Variants in WIPI2 observed in about 807,000 individuals in gnomAD.
WIPI2 encodes WD repeat domain phosphoinositide-interacting protein 2.
In WIPI2, 28 loss-of-function variants were observed where a neutral mutation model predicts 52.3. The ratio of observed to expected loss-of-function variants is 0.54; its 90% CI spans 0.40 to 0.73. WIPI2 has a LOEUF of 0.73. Among genes scored for constraint, WIPI2 ranks in the 30% least tolerant of loss-of-function variants. The pLI, the probability that WIPI2 is intolerant of heterozygous loss-of-function variation, is 0.00. For synonymous variants in WIPI2, 268 were observed against 245.0 expected (o/e 1.09, Z -0.88); for missense variants, 506 against 602.9 (o/e 0.84, Z 1.68).
intron 9 of WIPI2, chr7:5,226,134 A>G (rs2115314084): frequency 1.7e-6 from 1 of 581,280 alleles, no homozygotes; most frequent in African/African-American, 1.9e-5. Context: ...CTTCTCCCAC[A>G]GGCAGCACGC....
chr7:5,204,646 C>T (rs555774107), intron 3 of WIPI2, among the ~76,000 whole-genome samples: 2 of 151,946 alleles, frequency 1.3e-5, no homozygotes, highest in East Asian at 1.9e-4. Context: ...AATGTCACTG[C>T]GAAGTGCATC....
At chr7:5,200,008 A>C (rs1013324391) in intron 3 of WIPI2, among the ~76,000 whole-genome samples, 6 of 152,166 alleles carry the variant, frequency 3.9e-5, no homozygotes, top group African/African-American at 1.4e-4. Context: ...AAAATTGAAA[A>C]TTTTACAGCC....
intron 7 of WIPI2, among the ~76,000 whole-genome samples, chr7:5,220,138 T>C (rs1469483591): frequency 6.6e-6 from 1 of 151,994 alleles, no homozygotes; most frequent in Non-Finnish European, 1.5e-5. Context: ...GCCTGGCCTA[T>C]ATTCTGATTT....
chr7:5,195,991 T>C (rs1031266463), intron 2 of WIPI2, among the ~76,000 whole-genome samples: 1 of 151,148 alleles, frequency 6.6e-6, no homozygotes, highest in African/African-American at 2.4e-5. Context: ...TGAGTTGAGA[T>C]CACATCACTG....
intron 1 of WIPI2, 137 bp from the exon 2 acceptor site, chr7:5,192,981 A>G (rs994422476): frequency 1.9e-5 from 15 of 771,598 alleles, no homozygotes; most frequent in South Asian, 1.5e-4. Flanking sequence ...ATACCAAACT[A>G]TAACTGTCCT....
chr7:5,198,606 AC>A (rs1386665940), intron 2 of WIPI2, among the ~76,000 whole-genome samples: 1 of 152,080 alleles, frequency 6.6e-6, no homozygotes, highest in Non-Finnish European at 1.5e-5. Context: ...GAGCCACCAC[AC>A]CTGGCCAGCT....
rs920068077 is a variant in WIPI2 at position 5,227,439 on chromosome 7, A to G, written c.1013+95A>G. On this transcript the variant is annotated intron_variant, in intron 10 of 12. Coordinates refer to ENST00000288828, the MANE Select transcript of WIPI2 (RefSeq NM_015610.4). This position sits in a 1 kb window ranked among gnomAD's most constrained non-coding sequence, Gnocchi z 8.1. The stretch of plus-strand genomic sequence containing the variant: ...TGTGGCCCCTTCCGTGCTTCTGAAC[A>G]GGAGCAGCTTCTTAGAGCCGACACT... 3 of 1,493,958 alleles carry G rather than the reference A, an allele frequency of 2.0e-6. No individual in the cohort carries two copies. Among genetic ancestry groups the G allele is most frequent in the Non-Finnish European group, 2.7e-6 (3 of 1,119,788 alleles). The allele number at this position is 1,493,958 out of a possible 1,614,324, so 92.5% of individuals were successfully genotyped here. A position where few individuals can be genotyped will look rare whatever the true frequency, so the allele number is the denominator to read the frequency against.
At position 5,231,310 on chromosome 7, in the gene WIPI2, C is replaced by T. The variant is rs201490858; in HGVS notation, c.*363C>T. On this transcript the variant is annotated 3_prime_UTR_variant, in exon 13 of 13. Coordinates refer to ENST00000288828, the MANE Select transcript of WIPI2 (RefSeq NM_015610.4). The stretch of plus-strand genomic sequence containing the variant: ...CCAGCCACCTGCCGTTGGGTTTTTT[C>T]ATATCTGTACATAATGCCGAGTGCG... The T allele has an allele frequency of 0.022, 4,062 of 188,276 alleles. 176 individuals are homozygous for T. Among genetic ancestry groups the T allele is most frequent in the African/African-American group, 0.091 (3,861 of 42,444 alleles). The allele number at this position is 188,276 out of a possible 1,614,324, so 11.7% of individuals were successfully genotyped here. A position where few individuals can be genotyped will look rare whatever the true frequency, so the allele number is the denominator to read the frequency against.
intron 5 of WIPI2, 194 bp downstream of exon 5, chr7:5,216,853 T>G (rs778751909): frequency 2.3e-5 from 16 of 701,276 alleles, no homozygotes; most frequent in Non-Finnish European, 3.8e-5. Context: ...TGATCAACTT[T>G]CAAGTTTGAG....
chr7:5,192,822 A>G (rs1445629055), intron 1 of WIPI2, among the ~76,000 whole-genome samples: 4 of 152,208 alleles, frequency 2.6e-5, no homozygotes, highest in African/African-American at 4.8e-5. Context: ...GAGGAGCACA[A>G]TTTTTAGCAA....
At chr7:5,193,614 T>A (rs990353561) in intron 2 of WIPI2, among the ~76,000 whole-genome samples, 1 of 152,258 alleles carries the variant, frequency 6.6e-6, no homozygotes, top group African/African-American at 2.4e-5. Context: ...TTGCACAGTT[T>A]GAAGTGCAGT....
chr7:5,204,740 G>A (rs560063438), intron 3 of WIPI2, among the ~76,000 whole-genome samples: 12 of 152,122 alleles, frequency 7.9e-5, no homozygotes, highest in Admixed American at 2.0e-4. Context: ...CACTCATGCA[G>A]TGGTGCCAGC....
At chr7:5,214,139 A>T (rs918615289) in intron 3 of WIPI2, 25 of 574,362 alleles carry the variant, frequency 4.4e-5, no homozygotes, top group Non-Finnish European at 6.5e-5. Flanking sequence ...TCAGCACATG[A>T]GTCTATGGAA....
At chr7:5,196,493 C>G (rs1014163259) in intron 2 of WIPI2, among the ~76,000 whole-genome samples, 2 of 152,138 alleles carry the variant, frequency 1.3e-5, no homozygotes, top group Non-Finnish European at 2.9e-5. Flanking sequence ...GGTTAAACTT[C>G]TAGCTGAGGT....
Position 5,227,281 on chromosome 7 carries a change from G to A in WIPI2, c.950G>A (p.Gly317Asp), listed in dbSNP as rs1783483960. The change falls in exon 10 of 13, where the codon GGC (glycine) becomes GAC (aspartate). Residue 317 changes from glycine to aspartate, a missense_variant. By Grantham distance (94) the Gly-to-Asp change is moderately conservative. Coordinates refer to ENST00000288828, the MANE Select transcript of WIPI2 (RefSeq NM_015610.4). This position sits in a 1 kb window ranked among gnomAD's most constrained non-coding sequence, Gnocchi z 8.1. Reference protein sequence around the residue: ...PSQVTEMFNQGRAFATVRLPF... With the variant: ...PSQVTEMFNQDRAFATVRLPF... ...CAAGTGACAGAAATGTTCAACCAGG[G>A]CAGAGCCTTCGCCACGGTCCGCCTG... 1.2e-6 allele frequency: 2 copies of A among 1,613,476 alleles called. No homozygotes were observed. The highest frequency in any genetic ancestry group is 1.1e-5 in the South Asian group (1 of 91,094).
At chr7:5,212,807 C>T (rs773965013) in intron 3 of WIPI2, among the ~76,000 whole-genome samples, 43 of 152,266 alleles carry the variant, frequency 2.8e-4, no homozygotes, top group African/African-American at 9.4e-4. Flanking sequence ...TGCGAAGCAC[C>T]GCATCTGGCC....
intron 8 of WIPI2, 146 bp downstream of exon 8, chr7:5,222,818 CGTCG>C: frequency 1.3e-6 from 1 of 764,086 alleles, no homozygotes; most frequent in South Asian, 1.7e-5. Context: ...AAGATCTGGG[CGTCG>C]GTCTTGTCAT....
chr7:5,203,772 T>C (rs953078618), intron 3 of WIPI2, among the ~76,000 whole-genome samples: 1 of 147,704 alleles, frequency 6.8e-6, no homozygotes, highest in Non-Finnish European at 1.5e-5. Context: ...AGCGCCACCA[T>C]GCCCGGCTGA....
At chr7:5,222,251 G>C (rs1255484288) in intron 7 of WIPI2, among the ~76,000 whole-genome samples, 1 of 152,140 alleles carries the variant, frequency 6.6e-6, no homozygotes, top group Non-Finnish European at 1.5e-5. Flanking sequence ...GCCCGGCCCA[G>C]GCTTTTATTT....
Sources: allele counts gnomAD v4.1 joint callset (sites outside exome capture counted in the v4.1 genomes callset), GRCh38; gene constraint gnomAD v4.1.1; non-coding constraint Gnocchi (gnomAD v3.1); transcripts MANE v1.5; gene names NCBI Gene and HGNC (gene_info 2026-07-23, HGNC 2026-07-21).